The following FRRS1 variants were observed in gnomAD, a reference collection of about 807,000 sequenced individuals.
The protein encoded by FRRS1 is ferric chelate reductase 1, also known as ferric reductase 1.
FRRS1 carries 51 observed loss-of-function variants against 70.7 expected under a neutral mutation model. The ratio of observed to expected loss-of-function variants is 0.72; its 90% CI spans 0.58 to 0.91. The LOEUF (loss-of-function observed/expected upper bound fraction) is 0.91. Among genes scored for constraint, FRRS1 ranks in the 40% least tolerant of loss-of-function variants. The pLI, the probability that FRRS1 is intolerant of heterozygous loss-of-function variation, is 0.00. For missense variants in FRRS1, 672 were observed against 726.0 expected (o/e 0.93, Z 0.86); for synonymous variants, 225 against 238.7 (o/e 0.94, Z 0.53).
At chr1:99,736,022 T>G (rs1445737972) in intron 7 of FRRS1, among the ~76,000 whole-genome samples, 3 of 152,200 alleles carry the variant, frequency 2.0e-5, no homozygotes, top group Non-Finnish European at 2.9e-5. Flanking sequence ...TATACATTCA[T>G]TCAACAGGTT....
At chr1:99,721,064 A>T (rs1377213539) in intron 9 of FRRS1, among the ~76,000 whole-genome samples, 1 of 152,184 alleles carries the variant, frequency 6.6e-6, no homozygotes, top group African/African-American at 2.4e-5. Flanking sequence ...TCACACAATG[A>T]AAGGAAACAT....
Position 99,748,673 on chromosome 1 carries a change from G to T in FRRS1, c.96C>A (p.Cys32Ter). 6.2e-7 allele frequency: 1 copy of T among 1,613,654 alleles called. No individual in the cohort carries two copies. The highest frequency in any genetic ancestry group is 2.2e-5 in the East Asian group (1 of 44,864). Residue 32 changes from cysteine (C) to a stop codon, truncating the protein, a stop_gained, in exon 3 of 17, where the codon TGC (cysteine) becomes TGA (stop). Coordinates refer to ENST00000646001, the MANE Select transcript of FRRS1 (RefSeq NM_001361041.2). LOFTEE classifies it high-confidence loss of function. ...GACCATGTTCAGGAATCATTCCATGGCATGACTGTGTTACTTTTCCATTGG... is the reference window on the plus strand; with the variant it reads ...GACCATGTTCAGGAATCATTCCATGTCATGACTGTGTTACTTTTCCATTGG... ...NYPNGKVTQS[C>*]HGMIPEHGHS... is the part of the protein sequence containing the mutation.
At chr1:99,711,586 C>T (rs145406250) in intron 14 of FRRS1, 1 of 153,278 alleles carries the variant, frequency 6.5e-6, no homozygotes, top group African/African-American at 2.4e-5. Flanking sequence ...TGGACTCCCA[C>T]TCTGACAAAG....
At position 99,727,605 on chromosome 1, in the gene FRRS1, A is replaced by G. The variant is rs572052550; in HGVS notation, c.1006+888T>C. 2.6e-5 allele frequency among the ~76,000 whole-genome samples: 4 copies of G among 152,250 alleles called. No homozygotes were observed. The South Asian group carries it at 8.3e-4, about 32-fold the overall frequency. On this transcript the variant is annotated intron_variant, in intron 9 of 16. Coordinates refer to ENST00000646001, the MANE Select transcript of FRRS1 (RefSeq NM_001361041.2). ...ATGATAGAATTGTAGGCTTTTCACA[A>G]TTTGCCTGTATCACATTTCCTGCTC...
chr1:99,741,832 T>C (rs1422673417), intron 5 of FRRS1, among the ~76,000 whole-genome samples: 1 of 152,230 alleles, frequency 6.6e-6, no homozygotes, highest in Admixed American at 6.5e-5. Context: ...ATTAAATGTG[T>C]ATTTTGTGAC....
At chr1:99,721,646 T>G (rs1406268501) in intron 9 of FRRS1, among the ~76,000 whole-genome samples, 1 of 151,566 alleles carries the variant, frequency 6.6e-6, no homozygotes, top group Non-Finnish European at 1.5e-5. Flanking sequence ...TCGCCCAGGC[T>G]GGAGTGCAGT....
intron 9 of FRRS1, among the ~76,000 whole-genome samples, chr1:99,722,434 C>T (rs968450637): frequency 1.3e-5 from 2 of 152,002 alleles, no homozygotes; most frequent in Admixed American, 6.5e-5. Context: ...ACATTCACAA[C>T]GTAAACCAAA....
In FRRS1 at chr1:99,765,990, A is replaced by G. The variant is rs370900385; in HGVS notation, c.-106+617T>C. Among the ~76,000 whole-genome samples, 9 of 152,266 alleles carry G rather than the reference A, an allele frequency of 5.9e-5. No individual in the cohort carries two copies. In the South Asian group the frequency reaches 1.7e-3, roughly 28 times the overall value. On this transcript the variant is annotated intron_variant, in intron 1 of 16. Coordinates refer to ENST00000646001, the MANE Select transcript of FRRS1 (RefSeq NM_001361041.2). ...AATATCTGAACTGAAAAGTTTAGCTATGTTAAGAAATATTCCTAATAACAC... is the reference window on the plus strand; with the variant it reads ...AATATCTGAACTGAAAAGTTTAGCTGTGTTAAGAAATATTCCTAATAACAC...
Position 99,704,423 on chromosome 1 carries a change from G to A in FRRS1, c.*4605C>T, listed in dbSNP as rs1414575066. The stretch of plus-strand genomic sequence containing the variant: ...AGCTTTTGTAAGTGATAACGGGAGG[G>A]AAGTGCTGGGAAGGGCGTGGTCCCT... On this transcript the variant is annotated 3_prime_UTR_variant, in exon 17 of 17. Coordinates refer to ENST00000646001, the MANE Select transcript of FRRS1 (RefSeq NM_001361041.2). Among the ~76,000 whole-genome samples the A allele has an allele frequency of 6.6e-6, 1 of 152,196 alleles. No homozygotes were observed. Among genetic ancestry groups the A allele is most frequent in the East Asian group, 1.9e-4 (1 of 5,178 alleles).
intron 1 of FRRS1, among the ~76,000 whole-genome samples, chr1:99,761,129 T>G (rs1657096123): frequency 6.6e-6 from 1 of 150,930 alleles, no homozygotes; most frequent in African/African-American, 2.4e-5. Context: ...TAATTTTGTT[T>G]TGGGGGGGTG....
chr1:99,736,833 TA>T (rs553512168), intron 7 of FRRS1, among the ~76,000 whole-genome samples: 141 of 142,752 alleles, frequency 9.9e-4, no homozygotes, highest in East Asian at 1.6e-3. Context: ...TTAGGACAAT[TA>T]AAAAAAAAAA....
At chr1:99,714,390 G>A (rs1039399530) in intron 12 of FRRS1, among the ~76,000 whole-genome samples, 26 of 152,088 alleles carry the variant, frequency 1.7e-4, no homozygotes, top group African/African-American at 5.8e-4. Flanking sequence ...CACAATATCA[G>A]TCAGGCTGGT....
At chr1:99,763,204 G>A (rs929835518) in intron 1 of FRRS1, among the ~76,000 whole-genome samples, 1 of 151,962 alleles carries the variant, frequency 6.6e-6, no homozygotes, top group Admixed American at 6.6e-5. Flanking sequence ...TGCTATTCCA[G>A]GAATAAGCTT....
intron 1 of FRRS1, among the ~76,000 whole-genome samples, chr1:99,754,985 A>T (rs1250691788): frequency 2.0e-5 from 3 of 152,146 alleles, no homozygotes; most frequent in East Asian, 3.8e-4. Context: ...CTTTTCATTT[A>T]AGGAGGAGTG....
intron 9 of FRRS1, among the ~76,000 whole-genome samples, chr1:99,720,395 T>C (rs1654754420): frequency 6.6e-6 from 1 of 152,116 alleles, no homozygotes; most frequent in Admixed American, 6.5e-5. Context: ...GCAAACAAAC[T>C]AAATATCCAT....
Position 99,738,262 on chromosome 1 carries a change from C to A in FRRS1, c.583G>T (p.Ala195Ser). 1 of 1,588,004 alleles carries A rather than the reference C, an allele frequency of 6.3e-7. No individual in the cohort carries two copies. Among genetic ancestry groups the A allele is most frequent in the Non-Finnish European group, 8.6e-7 (1 of 1,169,572 alleles). Residue 195 changes from alanine to serine, a missense_variant, in exon 7 of 17, where the codon GCC (alanine) becomes TCC (serine). Transcript: ENST00000646001. Reference sequence around the variant, plus strand: ...AACTTCTTGTTCCCACAATCTGAGGCACTGAACTAGAAAAATGACAGAGGA... The same window carrying A: ...AACTTCTTGTTCCCACAATCTGAGGAACTGAACTAGAAAAATGACAGAGGA... Reference protein sequence around the residue: ...PVSHLTKPFSASDCGNKKFCI... With the variant: ...PVSHLTKPFSSSDCGNKKFCI...
At chr1:99,738,028 A>G in intron 7 of FRRS1, 58 bp downstream of exon 7, 1 of 1,398,264 alleles carries the variant, frequency 7.2e-7, no homozygotes, top group Non-Finnish European at 9.9e-7. Flanking sequence ...GGCATGAGCC[A>G]CCATGCCTAG....
rs796741783 is a variant in FRRS1, at chr1:99,708,654, A to ATG, written c.*373_*374insCA. 0.015 allele frequency: 1,799 copies of ATG among 122,330 alleles called. 69 individuals carry two copies. Among genetic ancestry groups the ATG allele is most frequent in the African/African-American group, 0.06 (1,451 of 24,188 alleles). The allele number at this position is 122,330 out of a possible 1,614,324, so 7.6% of individuals were successfully genotyped here. A position where few individuals can be genotyped will look rare whatever the true frequency, so the allele number is the denominator to read the frequency against. On this transcript the variant is annotated 3_prime_UTR_variant, in exon 17 of 17. Coordinates refer to ENST00000646001, the MANE Select transcript of FRRS1 (RefSeq NM_001361041.2). ...TATATATATATATATATATATATATATATATATATCGTAATATATCTCTTT... is the reference window on the plus strand; with the variant it reads ...TATATATATATATATATATATATATATGTATATATATCGTAATATATCTCTTT...
Position 99,747,383 on chromosome 1 carries a change from T to C in FRRS1, c.244A>G (p.Asn82Asp). The change falls in exon 4 of 17, where the codon AAT becomes GAT. Residue 82 changes from asparagine to aspartate, a missense_variant. Asn to Asp is a conservative substitution (Grantham distance 23). Coordinates refer to ENST00000646001, the MANE Select transcript of FRRS1 (RefSeq NM_001361041.2). ...GGAGGGCCATTCAGATCCTCAGCAT[T>C]ACGCGCTTCTAGGAGAAAGCCTTTA... ...PFKGFLLEAR[N>D]AEDLNGPPIG... The C allele has an allele frequency of 3.7e-6, 6 of 1,613,578 alleles. No individual in the cohort carries two copies. The Admixed American group carries it at 8.3e-5, about 22-fold the overall frequency.
Sources: gnomAD v4.1 joint callset for allele counts (sites outside exome capture counted in the v4.1 genomes callset) on GRCh38, gnomAD v4.1.1 for gene constraint, MANE v1.5 for transcripts, NCBI Gene and HGNC (gene_info 2026-07-23, HGNC 2026-07-21) for gene names.